Variants in TRDN observed in about 807,000 individuals in gnomAD.
TRDN encodes the protein triadin, also known as triadin in skeletal muscle.
A neutral mutation model predicts 149.7 loss-of-function variants in TRDN; 161 were observed. That is an observed-to-expected ratio of 1.08 (90% CI 0.95 to 1.23). The LOEUF (loss-of-function observed/expected upper bound fraction) is 1.23. Ranked by LOEUF, TRDN falls within the 50% of genes most tolerant of loss-of-function variation. TRDN has a pLI of 0.00. For synonymous variants in TRDN, 294 were observed against 250.5 expected (o/e 1.17, Z -1.64); for missense variants, 896 against 823.5 (o/e 1.09, Z -1.08).
At position 123,310,049 on chromosome 6, in the gene TRDN, G is replaced by A. The variant is rs75579044; in HGVS notation, c.1510+6408C>T. Among the ~76,000 whole-genome samples the A allele has an allele frequency of 1.8e-3, 269 of 152,142 alleles. 7 individuals carry two copies. The South Asian group carries it at 0.052, about 29-fold the overall frequency. Reference sequence around the variant, plus strand: ...TAGCCTCTCTTGCTACTATTGTGATGAACTGAAGTTTTGTGGGTAGCTGCT... The same window carrying A: ...TAGCCTCTCTTGCTACTATTGTGATAAACTGAAGTTTTGTGGGTAGCTGCT... On this transcript the variant is annotated intron_variant, in intron 24 of 40. Coordinates refer to ENST00000334268, the MANE Select transcript of TRDN (RefSeq NM_006073.4).
intron 38 of TRDN, among the ~76,000 whole-genome samples, chr6:123,227,957 GGCC>G (rs1383167251): frequency 4.0e-5 from 6 of 151,322 alleles, no homozygotes; most frequent in Admixed American, 2.6e-4. Context: ...CCTATATCAG[GGCC>G]TCTTGAAAGA....
intron 12 of TRDN, among the ~76,000 whole-genome samples, chr6:123,435,295 T>C (rs1017622022): frequency 1.2e-4 from 19 of 152,018 alleles, no homozygotes; most frequent in Admixed American, 3.3e-4. Context: ...TAGGAAGAAA[T>C]GACCTTTGTC....
Position 123,216,839 on chromosome 6 carries a change from AG to A in TRDN, c.*1761del, listed in dbSNP as rs1331258431. 4 of 151,972 alleles carry A rather than the reference AG, an allele frequency of 2.6e-5. No individual in the cohort carries two copies. In the East Asian group the frequency reaches 7.8e-4, roughly 29 times the overall value. The allele number at this position is 151,972 out of a possible 1,614,324, so 9.4% of individuals were successfully genotyped here. A position where few individuals can be genotyped will look rare whatever the true frequency, so the allele number is the denominator to read the frequency against. On this transcript the variant is annotated 3_prime_UTR_variant, in exon 41 of 41. Transcript: ENST00000334268. Reference sequence around the variant, plus strand: ...ACCTAACACAGCGCCCTAAAAGAGTAGGTATTCAATAAACAGTCATTGAATG... The same window carrying A: ...ACCTAACACAGCGCCCTAAAAGAGTAGTATTCAATAAACAGTCATTGAATG...
intron 6 of TRDN, among the ~76,000 whole-genome samples, chr6:123,515,145 G>A (rs375781212): frequency 5.9e-5 from 9 of 151,438 alleles, no homozygotes; most frequent in African/African-American, 1.7e-4. Context: ...ACAATAACAC[G>A]CCAGTAACAG....
chr6:123,438,751 A>G (rs1774723006), intron 11 of TRDN, among the ~76,000 whole-genome samples, 193 bp downstream of exon 11: 1 of 152,162 alleles, frequency 6.6e-6, no homozygotes, highest in South Asian at 2.1e-4. Flanking sequence ...AGTGTTTAGG[A>G]TTGAATTCTC....
chr6:123,529,498 A>C, intron 5 of TRDN: 1 of 776,682 alleles, frequency 1.3e-6, no homozygotes, highest in Non-Finnish European at 2.2e-6. Flanking sequence ...CTTCCCAAAA[A>C]GAAAGCACAT....
intron 9 of TRDN, among the ~76,000 whole-genome samples, chr6:123,491,259 A>C (rs1019502163): frequency 1.3e-5 from 2 of 152,184 alleles, no homozygotes; most frequent in South Asian, 4.1e-4. Flanking sequence ...TTGATGATGC[A>C]CATTCTAGAA....
chr6:123,447,526 A>T (rs1349421844), intron 10 of TRDN, among the ~76,000 whole-genome samples: 5 of 152,144 alleles, frequency 3.3e-5, no homozygotes, highest in Admixed American at 6.5e-5. Flanking sequence ...GGGGCCCAGC[A>T]TGAACTCTGG....
At chr6:123,501,061 T>G (rs1336565027) in intron 8 of TRDN, among the ~76,000 whole-genome samples, 3 of 151,444 alleles carry the variant, frequency 2.0e-5, no homozygotes, top group African/African-American at 4.8e-5. Context: ...ATTTGATGGG[T>G]GTGTGTGTGT....
At chr6:123,550,997 C>T (rs985886371) in intron 2 of TRDN, among the ~76,000 whole-genome samples, 2 of 151,534 alleles carry the variant, frequency 1.3e-5, no homozygotes, top group African/African-American at 4.9e-5. Flanking sequence ...ATTGTTCTGG[C>T]ACCATTAAAG....
In TRDN at chr6:123,583,746, G is replaced by A. The variant is rs571044116; in HGVS notation, c.23-12614C>T. On this transcript the variant is annotated intron_variant, in intron 1 of 40. Coordinates refer to ENST00000334268, the MANE Select transcript of TRDN (RefSeq NM_006073.4). ...AGGACTCTACCTATCCAGTGAAAGT[G>A]TCTACCTAGACTAACAGGTATTTTA... Among the ~76,000 whole-genome samples the A allele has an allele frequency of 4.8e-4, 73 of 152,242 alleles. 1 individual carries two copies. Among genetic ancestry groups the A allele is most frequent in the African/African-American group, 1.7e-3 (70 of 41,524 alleles).
At chr6:123,619,007 T>G (rs922124357) in intron 1 of TRDN, among the ~76,000 whole-genome samples, 1 of 152,112 alleles carries the variant, frequency 6.6e-6, no homozygotes. Context: ...AGTATAACAA[T>G]TATAAAATTG....
chr6:123,508,419 C>T (rs7452290), intron 7 of TRDN, among the ~76,000 whole-genome samples: 126,167 of 152,066 alleles, frequency 0.83, 52,543 homozygotes, highest in East Asian at 0.88. Flanking sequence ...CATGTGAAAG[C>T]GATAAAATGT....
intron 21 of TRDN, chr6:123,349,402 T>C: frequency 6.1e-6 from 3 of 493,492 alleles, no homozygotes; most frequent in South Asian, 8.7e-5. Flanking sequence ...GCCTGGCCAG[T>C]TGTGGGCGCT....
chr6:123,602,262 C>A (rs79294531), intron 1 of TRDN, among the ~76,000 whole-genome samples: 16,347 of 152,106 alleles, frequency 0.11, 957 homozygotes, highest in East Asian at 0.17. Flanking sequence ...AACAGAATCA[C>A]GTAATGGCCA....
At chr6:123,355,289 A>G (rs766615358) in intron 20 of TRDN, among the ~76,000 whole-genome samples, 1 of 151,668 alleles carries the variant, frequency 6.6e-6, no homozygotes, top group Non-Finnish European at 1.5e-5. Flanking sequence ...AATTCAATGT[A>G]TCAATCTTTC....
chr6:123,223,880 T>C (rs1775255504), intron 39 of TRDN, among the ~76,000 whole-genome samples: 1 of 151,670 alleles, frequency 6.6e-6, no homozygotes, highest in Non-Finnish European at 1.5e-5. Context: ...AATAAATCAA[T>C]ACCCAACTAG....
chr6:123,537,608 A>G (rs78801907), intron 4 of TRDN, among the ~76,000 whole-genome samples: 30 of 152,300 alleles, frequency 2.0e-4, no homozygotes, highest in African/African-American at 7.0e-4. Flanking sequence ...AAATGTTTAC[A>G]TAAGGTCTAT....
chr6:123,261,878 G>A (rs1208037393), intron 33 of TRDN, among the ~76,000 whole-genome samples: 2 of 151,824 alleles, frequency 1.3e-5, no homozygotes, highest in African/African-American at 4.8e-5. Flanking sequence ...CAGCCTAAAG[G>A]CTGTACTTAA....
Sources: allele counts gnomAD v4.1 joint callset (sites outside exome capture counted in the v4.1 genomes callset), GRCh38; gene constraint gnomAD v4.1.1; transcripts MANE v1.5; gene names NCBI Gene and HGNC (gene_info 2026-07-23, HGNC 2026-07-21).